Variants in TCP11L2 observed in about 807,000 individuals in gnomAD.
TCP11L2 encodes the protein T-complex protein 11-like protein 2.
A neutral mutation model predicts 50.7 loss-of-function variants in TCP11L2; 39 were observed. The observed-to-expected ratio is 0.77, with a 90% CI of 0.60 to 1.01. The LOEUF (loss-of-function observed/expected upper bound fraction) is 1.01, where lower values mean the gene tolerates loss of function less well. Ranked by LOEUF, TCP11L2 falls within the 50% of genes least tolerant of loss-of-function variation. The pLI, the probability that TCP11L2 is intolerant of heterozygous loss-of-function variation, is 0.00. For missense variants in TCP11L2, 612 were observed against 614.7 expected (o/e 1.00, Z 0.05); for synonymous variants, 192 against 219.3 (o/e 0.88, Z 1.10).
At chr12:106,334,981 C>G (rs972271205) in intron 6 of TCP11L2, among the ~76,000 whole-genome samples, 4 of 151,954 alleles carry the variant, frequency 2.6e-5, no homozygotes, top group African/African-American at 9.7e-5. Context: ...ATTCAAAACT[C>G]CCCATTCCCA....
Position 106,323,615 on chromosome 12 carries a change from C to A in TCP11L2, c.741C>A (p.Thr247=), listed in dbSNP as rs758174695. 1 of 1,601,802 alleles carries A rather than the reference C, an allele frequency of 6.2e-7. No individual in the cohort carries two copies. The highest frequency in any genetic ancestry group is 1.1e-5 in the South Asian group (1 of 88,822). ...LQRQLVEYER[T]KFQEILEETP... is the part of the protein sequence containing the mutation. ...GCCAGTTGGTGGAATATGAGAGAAC[C>A]AAGTTCCAGGAAATTTTGGAAGAAA... is the stretch of plus-strand genomic sequence containing the variant. The change falls in exon 6 of 10, where the codon ACC becomes ACA. Residue 247 remains threonine (T), a synonymous_variant. Transcript: ENST00000299045.
chr12:106,313,578 C>CAAAA (rs1555201334), intron 2 of TCP11L2, among the ~76,000 whole-genome samples: 801 of 65,216 alleles, frequency 0.012, 8 homozygotes, highest in African/African-American at 0.053. Flanking sequence ...GACTCCATCT[C>CAAAA]AAAAAAATAA....
chr12:106,332,717 G>T (rs762353237), intron 6 of TCP11L2, among the ~76,000 whole-genome samples: 4 of 151,012 alleles, frequency 2.6e-5, no homozygotes, highest in Middle Eastern at 3.4e-3. Flanking sequence ...CTCAGTGTGT[G>T]CAGATGGAAA....
At chr12:106,339,752 C>T (rs1028720877) in intron 8 of TCP11L2, among the ~76,000 whole-genome samples, 1 of 152,192 alleles carries the variant, frequency 6.6e-6, no homozygotes, top group Non-Finnish European at 1.5e-5. Flanking sequence ...TAGGGCAGTA[C>T]ATTGTAGTGG....
In TCP11L2 at chr12:106,340,829, C is replaced by T. The variant is rs1439240011; in HGVS notation, c.1146C>T (p.Thr382=). The T allele has an allele frequency of 6.3e-7, 1 of 1,589,090 alleles. No individual in the cohort carries two copies. The highest frequency in any genetic ancestry group is 2.2e-5 in the East Asian group (1 of 44,502). The change falls in exon 9 of 10, where the codon ACC becomes ACT. Residue 382 remains threonine (T), a synonymous_variant. Coordinates refer to ENST00000299045, the MANE Select transcript of TCP11L2 (RefSeq NM_152772.3). ...AATTTCATTTTATGTTTCATAGGAC[C>T]TTTAACTTGAAGGAAGTCCTGAATT... ...AVLLEGMNKE[T]FNLKEVLNSI...
chr12:106,311,289 T>C, intron 2 of TCP11L2, 57 bp downstream of exon 2: 7 of 1,579,484 alleles, frequency 4.4e-6, no homozygotes, highest in Non-Finnish European at 6.0e-6. Context: ...AGATATGTGT[T>C]GGATTTGAAA....
intron 1 of TCP11L2, among the ~76,000 whole-genome samples, chr12:106,308,280 C>A (rs2034711165): frequency 6.6e-6 from 1 of 152,166 alleles, no homozygotes; most frequent in South Asian, 2.1e-4. Context: ...TGAGAGAAAC[C>A]TTATGACTGG....
intron 6 of TCP11L2, among the ~76,000 whole-genome samples, chr12:106,327,981 G>A (rs1201000824): frequency 6.6e-6 from 1 of 152,034 alleles, no homozygotes; most frequent in Non-Finnish European, 1.5e-5. Flanking sequence ...CCCTGGGTGG[G>A]GGCCATAAGT....
In TCP11L2 at chr12:106,346,654, T is replaced by C. The variant is rs2036243470; in HGVS notation, c.*124T>C. Reference sequence around the variant, plus strand: ...GTGGTGCAGTATTAGCCCAAATCTGTGTAATGGGTAATATTAGCATTACAG... The same window carrying C: ...GTGGTGCAGTATTAGCCCAAATCTGCGTAATGGGTAATATTAGCATTACAG... On this transcript the variant is annotated 3_prime_UTR_variant, in exon 10 of 10. Transcript: ENST00000299045. The C allele has an allele frequency of 1.7e-5, 21 of 1,209,856 alleles. No homozygotes were observed. Among genetic ancestry groups the C allele is most frequent in the Non-Finnish European group, 2.4e-5 (21 of 888,378 alleles). 74.9% of individuals were successfully genotyped at this position (1,209,856 alleles called of 1,614,324 possible). A position where few individuals can be genotyped will look rare whatever the true frequency, so the allele number is the denominator to read the frequency against.
chr12:106,318,297 GA>G, intron 3 of TCP11L2, 46 bp from the exon 4 acceptor site: 1 of 1,591,596 alleles, frequency 6.3e-7, no homozygotes, highest in Admixed American at 1.7e-5. Context: ...TTATAATCAG[GA>G]AAAAGTTATG....
intron 1 of TCP11L2, among the ~76,000 whole-genome samples, chr12:106,305,897 A>T (rs2034612354): frequency 6.6e-6 from 1 of 152,244 alleles, no homozygotes. Flanking sequence ...GTGGGAGAAC[A>T]CTGCAGAATA....
At chr12:106,305,767 A>G (rs928988722) in intron 1 of TCP11L2, among the ~76,000 whole-genome samples, 5 of 152,174 alleles carry the variant, frequency 3.3e-5, no homozygotes, top group Non-Finnish European at 7.3e-5. Context: ...GACAATAGGG[A>G]GCCAACCACA....
upstream of TCP11L2, among the ~76,000 whole-genome samples, chr12:106,301,416 T>C (rs955021941): frequency 4.6e-5 from 7 of 152,200 alleles, no homozygotes; most frequent in African/African-American, 1.4e-4. Context: ...ATCCTCAAAA[T>C]AACCCAAGGA....
Position 106,321,617 on chromosome 12 carries a change from CA to C in TCP11L2, c.547del (p.Ile183SerfsTer19). The C allele has an allele frequency of 6.2e-7, 1 of 1,614,180 alleles. No homozygotes were observed. The highest frequency in any genetic ancestry group is 2.2e-5 in the East Asian group (1 of 44,880). On this transcript the variant is annotated frameshift_variant, in exon 5 of 10. Transcript: ENST00000299045. LOFTEE classifies it high-confidence loss of function. ...ACATCCAAGGCCTGGCCAACTATGTCATCAGTACGATGGGAAAGCTGTGTGC... is the reference window on the plus strand; with the variant it reads ...ACATCCAAGGCCTGGCCAACTATGTCTCAGTACGATGGGAAAGCTGTGTGC... ...VDIQGLANYV[I>X]STMGKLCAPV...
In TCP11L2 at chr12:106,342,646, T is replaced by C. The variant is rs575181663; in HGVS notation, c.1315+1648T>C. On this transcript the variant is annotated intron_variant, in intron 9 of 9. Transcript: ENST00000299045. ...TCTTGTGCAATGCTGCACGTGCACA[T>C]ATATTTAATAAATATTTGTGAAATG... Among the ~76,000 whole-genome samples, 3 of 152,354 alleles carry C rather than the reference T, an allele frequency of 2.0e-5. No individual in the cohort carries two copies. In the East Asian group the frequency reaches 5.8e-4, roughly 29 times the overall value.
chr12:106,342,234 T>A (rs925431382), intron 9 of TCP11L2, among the ~76,000 whole-genome samples: 2 of 152,212 alleles, frequency 1.3e-5, no homozygotes, highest in Non-Finnish European at 2.9e-5. Flanking sequence ...CAAATGGTGT[T>A]GTTCATCCTT....
intron 6 of TCP11L2, among the ~76,000 whole-genome samples, 170 bp from the exon 7 acceptor site, chr12:106,335,469 T>C (rs957208660): frequency 6.6e-6 from 1 of 152,216 alleles, no homozygotes; most frequent in Admixed American, 6.5e-5. Context: ...TACTCTGTTA[T>C]AATTGTTAGT....
chr12:106,320,313 T>G (rs2264816), intron 4 of TCP11L2, among the ~76,000 whole-genome samples: 89,713 of 151,646 alleles, frequency 0.59, 26,728 homozygotes, highest in East Asian at 0.76. Context: ...CAGGAGAATC[T>G]CTTGAACCTG....
intron 6 of TCP11L2, chr12:106,325,198 T>G (rs1408494536): frequency 6.6e-6 from 1 of 152,122 alleles, no homozygotes; most frequent in Admixed American, 6.5e-5. Flanking sequence ...GTAACACACT[T>G]AAAAGTATAG....
Sources: allele counts gnomAD v4.1 joint callset (sites outside exome capture counted in the v4.1 genomes callset), GRCh38; gene constraint gnomAD v4.1.1; transcripts MANE v1.5; gene names NCBI Gene and HGNC (gene_info 2026-07-23, HGNC 2026-07-21).